Variants in STAT5B observed in about 807,000 individuals in gnomAD.
STAT5B encodes signal transducer and activator of transcription 5B, also known as transcription factor STAT5B.
Under a neutral mutation model 107.8 loss-of-function variants are expected in STAT5B, and 21 were observed. The observed-to-expected ratio is 0.19, with a 90% CI of 0.14 to 0.28. STAT5B has a LOEUF of 0.28. Ranked by LOEUF, STAT5B falls within the 10% of genes least tolerant of loss-of-function variation. STAT5B has a pLI of 1.00. For synonymous variants in STAT5B, 325 were observed against 401.7 expected (o/e 0.81, Z 2.28); for missense variants, 565 against 1,008.2 (o/e 0.56, Z 5.95).
rs990917505 is a variant in STAT5B at position 42,223,568 on chromosome 17, T to C, written c.376-12A>G. 11 of 1,613,946 alleles carry C rather than the reference T, an allele frequency of 6.8e-6. No individual in the cohort carries two copies. The highest frequency in any genetic ancestry group is 6.7e-5 in the Admixed American group (4 of 60,002). On this transcript the variant is annotated splice_polypyrimidine_tract_variant and intron_variant, in intron 4 of 18. Coordinates refer to ENST00000293328, the MANE Select transcript of STAT5B (RefSeq NM_012448.4). ...GCTGGAGAGCTACCCTGGGAACATA[T>C]GGGGGGCAGTGCAAGGCAGTGCGAA...
the STAT5B span, among the ~76,000 whole-genome samples, chr17:42,285,248 C>G: frequency 0.046 from 6,991 of 152,012 alleles, 489 homozygotes; most frequent in African/African-American, 0.16. Context: ...TGACACCACG[C>G]CCAGCTAATT....
intron 2 of STAT5B, 23 bp downstream of exon 2, chr17:42,231,977 T>C (rs371831279): frequency 3.7e-6 from 6 of 1,613,404 alleles, no homozygotes; most frequent in Non-Finnish European, 1.7e-6. Context: ...CAAAATATGA[T>C]GCAAACATCC....
the STAT5B span, among the ~76,000 whole-genome samples, chr17:42,282,479 AC>A: frequency 1.3e-5 from 2 of 151,996 alleles, no homozygotes; most frequent in East Asian, 1.9e-4. Context: ...ATCTGCCACC[AC>A]ACCTGGCTAA....
chr17:42,209,306 G>C (rs2080110576), intron 15 of STAT5B, among the ~76,000 whole-genome samples: 2 of 140,210 alleles, frequency 1.4e-5, no homozygotes, highest in Non-Finnish European at 3.1e-5. Flanking sequence ...CCTCCTGCCT[G>C]AGGCTCCCAA....
intron 1 of STAT5B, among the ~76,000 whole-genome samples, chr17:42,256,806 G>C (rs931068077): frequency 3.0e-5 from 4 of 131,346 alleles, no homozygotes; most frequent in African/African-American, 1.2e-4. Context: ...AGCGTGCAGT[G>C]AACGGAGATT....
intron 1 of STAT5B, among the ~76,000 whole-genome samples, chr17:42,252,430 C>T (rs1476184861): frequency 2.0e-5 from 3 of 152,206 alleles, no homozygotes; most frequent in African/African-American, 7.2e-5. Context: ...AGACTGTAAG[C>T]CATCCTGGAG....
At chr17:42,282,087 G>C in the STAT5B span, among the ~76,000 whole-genome samples, 1 of 152,160 alleles carries the variant, frequency 6.6e-6, no homozygotes, top group Non-Finnish European at 1.5e-5. Flanking sequence ...AGTGAACAGG[G>C]GGCTGCCCTG....
intron 12 of STAT5B, chr17:42,214,493 G>A (rs1338483983): frequency 1.0e-6 from 1 of 985,236 alleles, no homozygotes; most frequent in Non-Finnish European, 1.2e-6. Flanking sequence ...GCCTCTCCAC[G>A]TGAGCCAGAA....
chr17:42,206,832 C>G (rs1035535322), intron 16 of STAT5B, among the ~76,000 whole-genome samples: 1 of 150,526 alleles, frequency 6.6e-6, no homozygotes, highest in East Asian at 2.0e-4. Context: ...GCCTCAGCCT[C>G]CCAAAGTGCT....
chr17:42,246,846 G>A lies in STAT5B; in HGVS notation c.-10-14709C>T, dbSNP rs779583822. 9.2e-5 allele frequency among the ~76,000 whole-genome samples: 14 copies of A among 152,240 alleles called. No individual in the cohort carries two copies. In the South Asian group the frequency reaches 1.4e-3, roughly 16 times the overall value. ...ACATACCTGAACACAACTGGCTTAC[G>A]TGAAGGCCGTTGACAGTTCAAGAGT... On this transcript the variant is annotated intron_variant, in intron 1 of 18. Transcript: ENST00000293328.
chr17:42,202,659 C>A, intron 17 of STAT5B, 98 bp downstream of exon 17: 2 of 1,595,904 alleles, frequency 1.3e-6, no homozygotes, highest in South Asian at 2.2e-5. Flanking sequence ...ACAGTTTCCC[C>A]GGGGGAGCGG....
chr17:42,258,213 CAT>C (rs1249143518), intron 1 of STAT5B, among the ~76,000 whole-genome samples: 1 of 152,072 alleles, frequency 6.6e-6, no homozygotes, highest in Non-Finnish European at 1.5e-5. Flanking sequence ...CTTTTGGCAA[CAT>C]AGTAAAATAA....
At position 42,199,830 on chromosome 17, in the gene STAT5B, T is replaced by G. The variant is rs2080029772; in HGVS notation, c.*1908A>C. 1 of 152,386 alleles carries G rather than the reference T, an allele frequency of 6.6e-6. No individual in the cohort carries two copies. The highest frequency in any genetic ancestry group is 2.4e-5 in the African/African-American group (1 of 41,452). 9.4% of individuals were successfully genotyped at this position (152,386 alleles called of 1,614,324 possible). ...TCCCAACCTGAAAGTGTATCAAGTCTGACCCCCCAACCAGGGTTGCTGGAA... is the reference window on the plus strand; with the variant it reads ...TCCCAACCTGAAAGTGTATCAAGTCGGACCCCCCAACCAGGGTTGCTGGAA... On this transcript the variant is annotated 3_prime_UTR_variant, in exon 19 of 19. Transcript: ENST00000293328.
the STAT5B span, chr17:42,287,593 G>A: frequency 6.6e-6 from 1 of 152,366 alleles, no homozygotes; most frequent in Admixed American, 6.5e-5. Context: ...GAGTTTCGAA[G>A]TTAGGAGGAC....
rs1454210107 is a variant in STAT5B, at chr17:42,243,558, G to T, written c.-10-11421C>A. Among the ~76,000 whole-genome samples the T allele has an allele frequency of 5.3e-5, 8 of 152,168 alleles. No homozygotes were observed. In the East Asian group the frequency reaches 1.3e-3, roughly 26 times the overall value. ...GCATCTTACTTTGGCAGGAGAAACG[G>T]AAGAGTGACAGTGGTGGGGAGTGTG... On this transcript the variant is annotated intron_variant, in intron 1 of 18. Transcript: ENST00000293328.
chr17:42,205,200 GTA>G (rs1256672880), intron 16 of STAT5B, among the ~76,000 whole-genome samples: 1 of 151,344 alleles, frequency 6.6e-6, no homozygotes, highest in African/African-American at 2.4e-5. Context: ...GCTAATTTTT[GTA>G]TGTTTTTTAG....
chr17:42,245,913 C>A (rs1249019117), intron 1 of STAT5B, among the ~76,000 whole-genome samples: 2 of 152,216 alleles, frequency 1.3e-5, no homozygotes, highest in Non-Finnish European at 2.9e-5. Context: ...CCCACCTCGG[C>A]CTCCCAAACT....
intron 2 of STAT5B, among the ~76,000 whole-genome samples, chr17:42,228,769 T>TA (rs1364285803): frequency 6.6e-6 from 1 of 152,040 alleles, no homozygotes; most frequent in African/African-American, 2.4e-5. Context: ...CCATCTCTAC[T>TA]AAAACACAAA....
intron 1 of STAT5B, among the ~76,000 whole-genome samples, chr17:42,268,191 G>A (rs890032449): frequency 1.7e-4 from 26 of 152,038 alleles, no homozygotes; most frequent in African/African-American, 6.3e-4. Flanking sequence ...TTCCTGTTAA[G>A]TACCCTATAT....
Sources: allele counts gnomAD v4.1 joint callset (sites outside exome capture counted in the v4.1 genomes callset), GRCh38; gene constraint gnomAD v4.1.1; transcripts MANE v1.5; gene names NCBI Gene and HGNC (gene_info 2026-07-23, HGNC 2026-07-21).